The following FGF13 variants were observed in gnomAD, a reference collection of about 807,000 sequenced individuals.
The protein encoded by FGF13 is fibroblast growth factor homologous factor 2.
A neutral mutation model predicts 19.5 loss-of-function variants in FGF13; 2 were observed. The ratio of observed to expected loss-of-function variants is 0.10; its 90% confidence interval spans 0.04 to 0.32. FGF13 has a LOEUF of 0.32. Ranked by LOEUF, FGF13 falls within the 10% of genes least tolerant of loss-of-function variation. The probability of loss-of-function intolerance (pLI) is 1.00; values close to 1 mark genes in which losing one functional copy is unlikely to be tolerated. For synonymous variants in FGF13, 72 were observed against 76.9 expected, an observed-to-expected ratio of 0.94 and a Z score of 0.33; for missense variants, 113 against 192.7, an observed-to-expected ratio of 0.59 and a Z score of 2.45.
At chrX:139,080,860 A>G (rs1339558852) in intron 1 of FGF13, among the ~76,000 whole-genome samples, 1 of 111,452 alleles carries the variant, frequency 9.0e-6, no homozygotes. Flanking sequence ...CATCTGTACA[A>G]TACAGTCTCC....
chrX:139,092,932 C>T (rs2124450785), intron 1 of FGF13, among the ~76,000 whole-genome samples: 1 of 112,016 alleles, frequency 8.9e-6, no homozygotes, highest in African/African-American at 3.2e-5. Context: ...CTCAGTAAAG[C>T]CATCTCTGTA....
intron 1 of FGF13, among the ~76,000 whole-genome samples, chrX:139,167,718 T>G (rs1422082173): frequency 1.8e-5 from 2 of 112,090 alleles, no homozygotes; most frequent in Non-Finnish European, 3.8e-5. Flanking sequence ...GCCATAAGAT[T>G]GATTCAGAAA....
chrX:139,049,993 T>A (rs1232894126), intron 1 of FGF13, among the ~76,000 whole-genome samples: 2 of 112,021 alleles, frequency 1.8e-5, no homozygotes, highest in Non-Finnish European at 3.8e-5. Context: ...CACATTTTAC[T>A]TTTCTAGAAC....
intron 1 of FGF13, among the ~76,000 whole-genome samples, chrX:138,914,957 G>A (rs1283779590): frequency 1.8e-5 from 2 of 111,384 alleles, no homozygotes; most frequent in East Asian, 5.7e-4. Flanking sequence ...ATTTCTGCCT[G>A]CCAGAGTGCA....
intron 1 of FGF13, among the ~76,000 whole-genome samples, chrX:139,201,849 G>A (rs2084417592): frequency 9.0e-6 from 1 of 111,381 alleles, no homozygotes; most frequent in African/African-American, 3.3e-5. Flanking sequence ...ATTCAACAAC[G>A]AACAGAAAGG....
At chrX:138,985,252 T>C (rs1182045880) in intron 1 of FGF13, among the ~76,000 whole-genome samples, 2 of 112,581 alleles carry the variant, frequency 1.8e-5, no homozygotes, top group Non-Finnish European at 1.9e-5. Flanking sequence ...GGTTTTGGTT[T>C]CTGTTTGTTT....
intron 3 of FGF13, among the ~76,000 whole-genome samples, chrX:138,814,212 A>T (rs1318196483): frequency 9.1e-6 from 1 of 110,309 alleles, no homozygotes; most frequent in African/African-American, 3.3e-5. Context: ...TTATTTTTAG[A>T]ATTAGACAAG....
intron 1 of FGF13, among the ~76,000 whole-genome samples, chrX:139,115,446 G>A (rs1015327273): frequency 2.7e-5 from 3 of 111,565 alleles, no homozygotes; most frequent in South Asian, 3.8e-4. Flanking sequence ...GCCATTTTGC[G>A]TCCACATCGC....
At chrX:139,092,733 AC>A (rs1482031473) in intron 1 of FGF13, among the ~76,000 whole-genome samples, 2 of 111,971 alleles carry the variant, frequency 1.8e-5, no homozygotes, top group African/African-American at 6.5e-5. Context: ...ATGTTCTTAG[AC>A]ATTCCAAGAA....
At chrX:138,786,267 A>G (rs1204643380) in intron 3 of FGF13, among the ~76,000 whole-genome samples, 1 of 111,466 alleles carries the variant, frequency 9.0e-6, no homozygotes, top group Non-Finnish European at 1.9e-5. Context: ...CTATTTTTCC[A>G]ACTAGTCCTG....
chrX:139,102,167 G>A (rs1198820967), intron 1 of FGF13, among the ~76,000 whole-genome samples: 1 of 112,032 alleles, frequency 8.9e-6, no homozygotes, highest in Non-Finnish European at 1.9e-5. Flanking sequence ...GCCTGCTGAG[G>A]CCCCAACATA....
At chrX:138,780,065 A>C (rs1184275320) in intron 3 of FGF13, among the ~76,000 whole-genome samples, 2 of 104,106 alleles carry the variant, frequency 1.9e-5, no homozygotes, top group Admixed American at 2.1e-4. Flanking sequence ...AGCCAAACTA[A>C]GCTTCATAAG....
intron 1 of FGF13, among the ~76,000 whole-genome samples, chrX:138,955,074 C>G (rs757643661): frequency 1.8e-5 from 2 of 112,477 alleles, no homozygotes; most frequent in East Asian, 5.7e-4. Flanking sequence ...TGTGACTATC[C>G]CCTAGATCTC....
At chrX:139,067,150 T>C (rs1021045929) in intron 1 of FGF13, among the ~76,000 whole-genome samples, 6 of 111,725 alleles carry the variant, frequency 5.4e-5, no homozygotes, top group Non-Finnish European at 1.1e-4. Flanking sequence ...ATAAGAGCTA[T>C]TTATGACAAA....
chrX:138,830,901 T>C (rs1487919086), intron 3 of FGF13, among the ~76,000 whole-genome samples: 1 of 110,818 alleles, frequency 9.0e-6, no homozygotes, highest in Non-Finnish European at 1.9e-5. Flanking sequence ...CGAAGATCTT[T>C]GAGGCTGCCC....
chrX:138,627,057 A>T lies in FGF13; in HGVS notation c.*5793T>A, dbSNP rs1189382603. 1 of 111,915 alleles carries T rather than the reference A, an allele frequency of 8.9e-6. No homozygotes were observed. Among genetic ancestry groups the T allele is most frequent in the Non-Finnish European group, 1.9e-5 (1 of 53,202 alleles). 9.2% of individuals were successfully genotyped at this position (111,915 alleles called of 1,213,427 possible). On this transcript the variant is annotated 3_prime_UTR_variant, in exon 5 of 5. Coordinates refer to ENST00000315930, the MANE Select transcript of FGF13 (RefSeq NM_004114.5). ...AACATAAAACTGAATAGTTACTTGC[A>T]ATTGGAGTTCCACTTTATTAATCGC...
At chrX:139,130,512 C>T (rs1352538801) in intron 1 of FGF13, among the ~76,000 whole-genome samples, 1 of 112,058 alleles carries the variant, frequency 8.9e-6, no homozygotes, top group Admixed American at 9.5e-5. Flanking sequence ...ATTTGATAGT[C>T]TTCTGTGTCC....
intron 1 of FGF13, among the ~76,000 whole-genome samples, chrX:139,111,864 G>C (rs1396605835): frequency 9.0e-6 from 1 of 111,667 alleles, no homozygotes; most frequent in African/African-American, 3.3e-5. Context: ...TTATTCCTTA[G>C]TTTTTGCCTA....
chrX:138,846,559 T>C (rs2091185293), intron 3 of FGF13, among the ~76,000 whole-genome samples: 1 of 112,294 alleles, frequency 8.9e-6, no homozygotes, highest in African/African-American at 3.2e-5. Flanking sequence ...GGCTCCAGCA[T>C]TGCCTTCTGC....
Sources: gnomAD v4.1 joint callset for allele counts (sites outside exome capture counted in the v4.1 genomes callset) on GRCh38, gnomAD v4.1.1 for gene constraint, MANE v1.5 for transcripts, NCBI Gene and HGNC (gene_info 2026-07-23, HGNC 2026-07-21) for gene names.